Variants in KIF5C observed in about 807,000 individuals in gnomAD.
The protein encoded by KIF5C is kinesin family member 5C.
Under a neutral mutation model 125.2 loss-of-function variants are expected in KIF5C, and 18 were observed. The ratio of observed to expected loss-of-function variants is 0.14; its 90% confidence interval spans 0.10 to 0.21. The LOEUF is 0.21. KIF5C is among the 10% of genes least tolerant of loss of function. The pLI is 1.00. For missense variants in KIF5C, 780 were observed against 1,183.8 expected (o/e 0.66, Z 5.01); for synonymous variants, 405 against 434.0 (o/e 0.93, Z 0.83).
intron 3 of KIF5C, among the ~76,000 whole-genome samples, chr2:148,934,808 C>T (rs1682258405): frequency 1.3e-5 from 2 of 151,918 alleles, no homozygotes. Context: ...CCCACACACG[C>T]AGACGTAGCC....
At chr2:148,885,126 C>T (rs1349989901) in intron 1 of KIF5C, among the ~76,000 whole-genome samples, 1 of 152,158 alleles carries the variant, frequency 6.6e-6, no homozygotes, top group African/African-American at 2.4e-5. Flanking sequence ...GCTGGGATTA[C>T]AGGCGCGTGC....
rs1055749256 is a variant in KIF5C at position 149,024,852 on chromosome 2, A to G, written c.*1782A>G. On this transcript the variant is annotated 3_prime_UTR_variant, in exon 26 of 26. Coordinates refer to ENST00000435030, the MANE Select transcript of KIF5C (RefSeq NM_004522.3). ...TCTACCATTATTTGCGGTCTGATAAAAGGGTCCTTGTGGGGCAGGTTTTGC... is the reference window on the plus strand; with the variant it reads ...TCTACCATTATTTGCGGTCTGATAAGAGGGTCCTTGTGGGGCAGGTTTTGC... The G allele has an allele frequency of 6.6e-6, 1 of 152,542 alleles. No homozygotes were observed. Among genetic ancestry groups the G allele is most frequent in the Non-Finnish European group, 1.5e-5 (1 of 68,026 alleles). 9.4% of individuals were successfully genotyped at this position (152,542 alleles called of 1,614,324 possible). A position where few individuals can be genotyped will look rare whatever the true frequency, so the allele number is the denominator to read the frequency against.
At position 149,024,336 on chromosome 2, in the gene KIF5C, A is replaced by T. The variant is rs1446848073; in HGVS notation, c.*1266A>T. The stretch of plus-strand genomic sequence containing the variant: ...ACTGTGCTGCTATTTGTTTTGACAA[A>T]TTTGGGGGTAAGTCAATGACAACCA... On this transcript the variant is annotated 3_prime_UTR_variant, in exon 26 of 26. Transcript: ENST00000435030. 2 of 152,442 alleles carry T rather than the reference A, an allele frequency of 1.3e-5. No homozygotes were observed. The highest frequency in any genetic ancestry group is 2.9e-5 in the Non-Finnish European group (2 of 68,004). 9.4% of individuals were successfully genotyped at this position (152,442 alleles called of 1,614,324 possible).
At chr2:148,930,660 A>G (rs1682157819) in intron 3 of KIF5C, among the ~76,000 whole-genome samples, 1 of 152,110 alleles carries the variant, frequency 6.6e-6, no homozygotes, top group Non-Finnish European at 1.5e-5. Flanking sequence ...GCTCATACTG[A>G]TTTCAAGTGT....
rs1483344668 is a variant in KIF5C, at chr2:148,906,570, AT to A, written c.127-15566del. On this transcript the variant is annotated intron_variant, in intron 1 of 25. Transcript: ENST00000435030. ...ACCCCATCTCTAAAAATAAAATAAA[AT>A]AAAAATAATGAAGTCAGGCATGCTG... is the stretch of plus-strand genomic sequence containing the variant. Among the ~76,000 whole-genome samples, 9 of 151,468 alleles carry A rather than the reference AT, an allele frequency of 5.9e-5. No individual in the cohort carries two copies. The East Asian group carries it at 9.7e-4, about 16-fold the overall frequency.
intron 1 of KIF5C, among the ~76,000 whole-genome samples, chr2:148,898,388 G>A (rs1680747313): frequency 1.3e-5 from 2 of 152,168 alleles, no homozygotes; most frequent in African/African-American, 4.8e-5. Flanking sequence ...CAGAATAATG[G>A]CCCTGAAAGA....
intron 6 of KIF5C, 110 bp from the exon 7 acceptor site, chr2:148,942,563 T>G: frequency 6.6e-7 from 1 of 1,504,956 alleles, no homozygotes; most frequent in Non-Finnish European, 9.0e-7. Context: ...TATTTCAGCC[T>G]TTCTATTTAT....
chr2:148,969,954 G>T (rs371660425), intron 11 of KIF5C, among the ~76,000 whole-genome samples: 21 of 152,194 alleles, frequency 1.4e-4, no homozygotes, highest in African/African-American at 4.8e-4. Flanking sequence ...TTCCTCTCTG[G>T]GCAGGAGCTG....
At chr2:148,898,831 A>G (rs1287787224) in intron 1 of KIF5C, among the ~76,000 whole-genome samples, 2 of 152,376 alleles carry the variant, frequency 1.3e-5, no homozygotes, top group African/African-American at 4.8e-5. Context: ...AATTTTTTAT[A>G]GCAGCGAAAG....
chr2:148,941,388 G>T (rs1682402960), intron 4 of KIF5C, among the ~76,000 whole-genome samples: 1 of 152,212 alleles, frequency 6.6e-6, no homozygotes, highest in South Asian at 2.1e-4. Flanking sequence ...AAAGGGAGCT[G>T]TGATGTGTGT....
At chr2:148,978,345 T>TTTG (rs1420440695) in intron 12 of KIF5C, among the ~76,000 whole-genome samples, 2 of 145,378 alleles carry the variant, frequency 1.4e-5, no homozygotes, top group Non-Finnish European at 3.0e-5. Context: ...TTTTTTTTTT[T>TTTG]TTTTTTTTTT....
chr2:149,013,468 G>C (rs1682272111), intron 25 of KIF5C, among the ~76,000 whole-genome samples: 1 of 152,196 alleles, frequency 6.6e-6, no homozygotes, highest in African/African-American at 2.4e-5. Flanking sequence ...CATCTAGCTG[G>C]AAAAGGTAGT....
intron 10 of KIF5C, among the ~76,000 whole-genome samples, chr2:148,961,768 A>G (rs1682933792): frequency 6.6e-6 from 1 of 152,206 alleles, no homozygotes; most frequent in South Asian, 2.1e-4. Context: ...TGGGATGTGA[A>G]GGAGAAAAGG....
intron 3 of KIF5C, chr2:148,935,118 C>T (rs1396168110): frequency 5.3e-6 from 2 of 377,864 alleles, no homozygotes; most frequent in Non-Finnish European, 1.0e-5. Context: ...TCACTTTTCT[C>T]ACATTGATTT....
intron 3 of KIF5C, among the ~76,000 whole-genome samples, chr2:148,934,325 A>T (rs1319890955): frequency 1.3e-5 from 2 of 151,552 alleles, no homozygotes; most frequent in East Asian, 1.9e-4. Flanking sequence ...ACATACAGAG[A>T]TGTACACATC....
chr2:148,976,793 C>A (rs72866048), intron 12 of KIF5C, among the ~76,000 whole-genome samples: 1 of 151,060 alleles, frequency 6.6e-6, no homozygotes, highest in African/African-American at 2.4e-5. Context: ...GTTGCTCAGG[C>A]TGGTCTCGGA....
Position 148,875,568 on chromosome 2 carries a change from GGC to G in KIF5C, c.-49_-48del. 2 of 792,786 alleles carry G rather than the reference GGC, an allele frequency of 2.5e-6. No homozygotes were observed. Among genetic ancestry groups the G allele is most frequent in the Non-Finnish European group, 2.1e-6 (1 of 469,492 alleles). The allele number at this position is 792,786 out of a possible 1,614,324, so 49.1% of individuals were successfully genotyped here. ...CGCGGCCTCCTCCCTCGTCGTTCCC[GGC>G]CCCGGCCCCCCACCCATCCCCGTGC... is the stretch of plus-strand genomic sequence containing the variant. On this transcript the variant is annotated 5_prime_UTR_variant, in exon 1 of 26. Coordinates refer to ENST00000435030, the MANE Select transcript of KIF5C (RefSeq NM_004522.3).
intron 17 of KIF5C, among the ~76,000 whole-genome samples, chr2:148,996,525 A>G (rs972617076): frequency 6.6e-5 from 10 of 152,182 alleles, no homozygotes; most frequent in Non-Finnish European, 1.0e-4. Flanking sequence ...GGAACAGACT[A>G]GAGAGAAATA....
At chr2:148,926,469 G>T (rs1024223445) in intron 2 of KIF5C, among the ~76,000 whole-genome samples, 1 of 152,200 alleles carries the variant, frequency 6.6e-6, no homozygotes, top group African/African-American at 2.4e-5. Flanking sequence ...TGCATTCCGT[G>T]GGCCCAGGAG....
Sources: gnomAD v4.1 joint callset for allele counts (sites outside exome capture counted in the v4.1 genomes callset) on GRCh38, gnomAD v4.1.1 for gene constraint, MANE v1.5 for transcripts, NCBI Gene and HGNC (gene_info 2026-07-23, HGNC 2026-07-21) for gene names.